The following CNST variants were observed in gnomAD, a reference collection of about 807,000 sequenced individuals.
The protein encoded by CNST is consortin, connexin sorting protein.
In CNST, 39 loss-of-function variants were observed where a neutral mutation model predicts 72.4. The ratio of observed to expected loss-of-function variants is 0.54; its 90% CI spans 0.42 to 0.70. The LOEUF (loss-of-function observed/expected upper bound fraction) is 0.70, where lower values mean the gene tolerates loss of function less well. Ranked by LOEUF, CNST falls within the 30% of genes least tolerant of loss-of-function variation. CNST has a pLI of 0.00. For synonymous variants in CNST, 332 were observed against 320.1 expected, an observed-to-expected ratio of 1.04 and a Z score of -0.40; for missense variants, 871 against 868.5, an observed-to-expected ratio of 1.00 and a Z score of -0.04.
At chr1:246,605,673 TC>T (rs1662694947) in intron 2 of CNST, among the ~76,000 whole-genome samples, 2 of 146,108 alleles carry the variant, frequency 1.4e-5, no homozygotes, top group Non-Finnish European at 3.1e-5. Flanking sequence ...GGGGTGCGTG[TC>T]TTCCGGCCGG....
chr1:246,659,072 T>C (rs2103162676), intron 9 of CNST, among the ~76,000 whole-genome samples: 1 of 152,302 alleles, frequency 6.6e-6, no homozygotes, highest in East Asian at 1.9e-4. Context: ...GGTGGGTGTC[T>C]GAAGAGATAT....
At chr1:246,621,712 T>C in intron 3 of CNST, 78 bp downstream of exon 3, 1 of 1,289,658 alleles carries the variant, frequency 7.8e-7, no homozygotes, top group Non-Finnish European at 1.1e-6. Flanking sequence ...AATGCTGTCT[T>C]GGCTGGGCGC....
chr1:246,644,104 T>C (rs1665888593), intron 8 of CNST, among the ~76,000 whole-genome samples: 1 of 152,136 alleles, frequency 6.6e-6, no homozygotes, highest in African/African-American at 2.4e-5. Flanking sequence ...TATAAGCTAT[T>C]AAATAGTCTC....
chr1:246,608,434 T>TA (rs1558553746), intron 2 of CNST, among the ~76,000 whole-genome samples: 1 of 152,254 alleles, frequency 6.6e-6, no homozygotes, highest in Admixed American at 6.5e-5. Context: ...TAAAACGTGT[T>TA]AAAGTGTAAA....
chr1:246,637,988 C>T (rs1021164030), intron 6 of CNST, among the ~76,000 whole-genome samples: 1 of 152,018 alleles, frequency 6.6e-6, no homozygotes, highest in Non-Finnish European at 1.5e-5. Flanking sequence ...TAGAAAAAGG[C>T]GGTGGCCAGA....
In CNST at chr1:246,611,968, A is replaced by T. The variant is rs566306215; in HGVS notation, c.380-9461A>T. Among the ~76,000 whole-genome samples the T allele has an allele frequency of 3.9e-5, 6 of 152,374 alleles. No homozygotes were observed. In the South Asian group the frequency reaches 1.2e-3, roughly 32 times the overall value. Reference sequence around the variant, plus strand: ...GCTACAGCACAGATAAACCTTGAGGACAGTATGCTAAGTAAAAGAAACCAG... The same window carrying T: ...GCTACAGCACAGATAAACCTTGAGGTCAGTATGCTAAGTAAAAGAAACCAG... On this transcript the variant is annotated intron_variant, in intron 2 of 10. Transcript: ENST00000366513.
At chr1:246,656,690 A>G (rs1666791032) in intron 9 of CNST, among the ~76,000 whole-genome samples, 1 of 152,180 alleles carries the variant, frequency 6.6e-6, no homozygotes, top group South Asian at 2.1e-4. Context: ...CAAATCTGTA[A>G]TCCTGGTGCT....
At chr1:246,589,795 A>G (rs975747035) in intron 1 of CNST, among the ~76,000 whole-genome samples, 9 of 152,118 alleles carry the variant, frequency 5.9e-5, no homozygotes, top group African/African-American at 2.2e-4. Context: ...TGACTTTTTA[A>G]TGATTGCCAT....
chr1:246,621,603 A>G lies in CNST; in HGVS notation c.554A>G (p.Asp185Gly), dbSNP rs767270283. 7 of 1,614,002 alleles carry G rather than the reference A, an allele frequency of 4.3e-6. No homozygotes were observed. In the African/African-American group the frequency reaches 9.3e-5, roughly 22 times the overall value. ...SLIRGEVEQL[D>G]SRALPLCLHQ... is the part of the protein sequence containing the mutation. The stretch of plus-strand genomic sequence containing the variant: ...ATACGAGGTGAAGTTGAGCAGTTGG[A>G]TTCAAGAGCACTTCCCCTTTGCCTT... Residue 185 changes from aspartate to glycine, a missense_variant, in exon 3 of 11, where the codon GAT (aspartate) becomes GGT (glycine). Transcript: ENST00000366513.
chr1:246,596,259 AAAAT>A (rs1423669221), intron 2 of CNST, among the ~76,000 whole-genome samples: 1 of 152,108 alleles, frequency 6.6e-6, no homozygotes, highest in Non-Finnish European at 1.5e-5. Flanking sequence ...TACAAAAAGT[AAAAT>A]AATTAGCTGG....
intron 1 of CNST, among the ~76,000 whole-genome samples, chr1:246,573,568 G>A (rs1250637427): frequency 2.6e-5 from 4 of 152,138 alleles, no homozygotes; most frequent in Admixed American, 1.3e-4. Context: ...TGTCTCCACT[G>A]CATAGCTGGG....
At chr1:246,633,892 G>A in intron 4 of CNST, 32 bp from the exon 5 acceptor site, 3 of 1,387,862 alleles carry the variant, frequency 2.2e-6, no homozygotes, top group Non-Finnish European at 3.1e-6. Flanking sequence ...TAAATAGTGT[G>A]GATTTCTATT....
intron 9 of CNST, 49 bp from the exon 10 acceptor site, chr1:246,660,150 G>T: frequency 6.6e-7 from 1 of 1,524,572 alleles, no homozygotes; most frequent in Non-Finnish European, 8.9e-7. Context: ...TACATGTAGA[G>T]ATGTCCCGCC....
At chr1:246,584,651 G>A (rs1048548617) in intron 1 of CNST, among the ~76,000 whole-genome samples, 1 of 152,192 alleles carries the variant, frequency 6.6e-6, no homozygotes, top group African/African-American at 2.4e-5. Flanking sequence ...AATGGAGACG[G>A]AGTGTGTAGT....
intron 2 of CNST, among the ~76,000 whole-genome samples, chr1:246,614,427 C>T (rs1301299230): frequency 1.3e-5 from 2 of 151,950 alleles, no homozygotes; most frequent in African/African-American, 2.4e-5. Context: ...CCTGTATCAT[C>T]GTATATATAA....
chr1:246,601,567 G>A (rs1193471200), intron 2 of CNST, among the ~76,000 whole-genome samples: 1 of 152,120 alleles, frequency 6.6e-6, no homozygotes, highest in African/African-American at 2.4e-5. Flanking sequence ...GGCTGAGGCG[G>A]GTGAATCACC....
At chr1:246,661,666 C>G (rs1667113375) in intron 10 of CNST, among the ~76,000 whole-genome samples, 1 of 152,138 alleles carries the variant, frequency 6.6e-6, no homozygotes, top group Non-Finnish European at 1.5e-5. Flanking sequence ...ATATGTTTAT[C>G]TAAGGTGTAA....
intron 2 of CNST, among the ~76,000 whole-genome samples, chr1:246,598,386 CTTTTT>C (rs530588381): frequency 1.3e-5 from 2 of 151,898 alleles, no homozygotes; most frequent in Non-Finnish European, 2.9e-5. Flanking sequence ...TTTGTCAGTA[CTTTTT>C]TTTATTTCCT....
chr1:246,621,931 G>T (rs1260353456), intron 3 of CNST, among the ~76,000 whole-genome samples: 1 of 152,166 alleles, frequency 6.6e-6, no homozygotes, highest in Non-Finnish European at 1.5e-5. Flanking sequence ...GGAGGCAAAG[G>T]TTGCATTGAG....
Sources: allele counts gnomAD v4.1 joint callset (sites outside exome capture counted in the v4.1 genomes callset), GRCh38; gene constraint gnomAD v4.1.1; transcripts MANE v1.5; gene names NCBI Gene and HGNC (gene_info 2026-07-23, HGNC 2026-07-21).